Variants in TGFBRAP1 observed in about 807,000 individuals in gnomAD.
TGFBRAP1 encodes transforming growth factor-beta receptor-associated protein 1.
In TGFBRAP1, 20 loss-of-function variants were observed where a neutral mutation model predicts 83.2. That is an observed-to-expected ratio of 0.24 (90% CI 0.17 to 0.35). The LOEUF (loss-of-function observed/expected upper bound fraction) is 0.35. Ranked by LOEUF, TGFBRAP1 falls within the 10% of genes least tolerant of loss-of-function variation. The probability of loss-of-function intolerance (pLI) is 1.00; values close to 1 mark genes in which losing one functional copy is unlikely to be tolerated. For missense variants in TGFBRAP1, 950 were observed against 1,099.4 expected (o/e 0.86, Z 1.92); for synonymous variants, 415 against 459.8 (o/e 0.90, Z 1.25).
intron 4 of TGFBRAP1, among the ~76,000 whole-genome samples, chr2:105,288,766 T>G (rs1677801661): frequency 6.6e-6 from 1 of 152,206 alleles, no homozygotes; most frequent in South Asian, 2.1e-4. Flanking sequence ...ATGAGGACCA[T>G]GGCATTCTCC....
chr2:105,269,362 C>G lies in TGFBRAP1; in HGVS notation c.2316G>C (p.Gly772=). The G allele has an allele frequency of 6.2e-7, 1 of 1,613,988 alleles. No homozygotes were observed. The highest frequency in any genetic ancestry group is 1.1e-5 in the South Asian group (1 of 91,066). Residue 772 remains glycine (G), a synonymous_variant, in exon 11 of 12, where the codon GGG becomes GGC. Coordinates refer to ENST00000393359, the MANE Select transcript of TGFBRAP1 (RefSeq NM_004257.6). This position sits in a 1 kb window ranked among gnomAD's most constrained non-coding sequence, Gnocchi z 4.1. The stretch of plus-strand genomic sequence containing the variant: ...TGGCATGGATGCTGTCCCTCATGGC[C>G]CCCATCAGGAATGGGCAGAGGAGCT... The part of the protein sequence containing the change: ...SVQLLCPFLM[G]AMRDSIHARR...
intron 5 of TGFBRAP1, among the ~76,000 whole-genome samples, chr2:105,283,288 C>T (rs937594056): frequency 3.3e-5 from 5 of 152,094 alleles, no homozygotes; most frequent in East Asian, 1.9e-4. Context: ...TCTCTACAAC[C>T]GATTGTGTAA....
At chr2:105,277,808 C>T in intron 6 of TGFBRAP1, 137 bp from the exon 7 acceptor site, 1 of 846,064 alleles carries the variant, frequency 1.2e-6, no homozygotes, top group Non-Finnish European at 2.0e-6. Context: ...AATCCCAACA[C>T]TTTGGAAGGC....
At position 105,308,051 on chromosome 2, in the gene TGFBRAP1, G is replaced by A. The variant is rs888364337; in HGVS notation, c.251C>T (p.Ala84Val). The change falls in exon 2 of 12, where the codon GCG becomes GTG. Residue 84 changes from alanine to valine, a missense_variant. By Grantham distance (64) the Ala-to-Val change is moderately conservative. Transcript: ENST00000393359. ...CAGCAGCCTGTTGAGTGCTGAGGCC[G>A]CACGCAGCTCGTTCACGGGCTTCTT... ...GFKKPVNELR[A>V]ASALNRLLVL... The A allele has an allele frequency of 3.7e-6, 6 of 1,613,878 alleles. No homozygotes were observed. The highest frequency in any genetic ancestry group is 5.1e-6 in the Non-Finnish European group (6 of 1,179,872).
chr2:105,269,232 T>C lies in TGFBRAP1; in HGVS notation c.2406+40A>G, dbSNP rs779173798. The C allele has an allele frequency of 1.5e-5, 23 of 1,535,632 alleles. No homozygotes were observed. The highest frequency in any genetic ancestry group is 1.9e-5 in the Non-Finnish European group (22 of 1,137,332). On this transcript the variant is annotated intron_variant, in intron 11 of 11. Coordinates refer to ENST00000393359, the MANE Select transcript of TGFBRAP1 (RefSeq NM_004257.6). This position sits in a 1 kb window ranked among gnomAD's most constrained non-coding sequence, Gnocchi z 4.1. ...AGTAAAATCTACCTTCAGTACAATG[T>C]TGACTGACCAGGAAGCAGCTCGTGG...
At chr2:105,280,921 G>A (rs895725011) in intron 5 of TGFBRAP1, among the ~76,000 whole-genome samples, 198 bp from the exon 6 acceptor site, 3 of 152,012 alleles carry the variant, frequency 2.0e-5, no homozygotes, top group African/African-American at 7.2e-5. Context: ...CTGCCACCTG[G>A]CTCCAAAAAA....
rs1678093329 is a variant in TGFBRAP1 at position 105,296,493 on chromosome 2, T to C, written c.901A>G (p.Thr301Ala). The stretch of plus-strand genomic sequence containing the variant: ...ACCAAGATGTAAACTCCTTTACTTG[T>C]GGCAACGATCACTCTTCCTGTGAAG... ...QDFEGRVIVATSKGVYILVPL... is the reference protein window; with the variant it reads ...QDFEGRVIVAASKGVYILVPL... Residue 301 changes from threonine (T) to alanine (A), a missense_variant, in exon 4 of 12, where the codon ACA becomes GCA. Physicochemically the swap from Thr to Ala is moderately conservative, Grantham distance 58 (BLOSUM62 0). Coordinates refer to ENST00000393359, the MANE Select transcript of TGFBRAP1 (RefSeq NM_004257.6). The C allele has an allele frequency of 1.9e-6, 3 of 1,612,180 alleles. No individual in the cohort carries two copies. Among genetic ancestry groups the C allele is most frequent in the Non-Finnish European group, 2.5e-6 (3 of 1,179,546 alleles).
chr2:105,300,428 T>C (rs548298974), intron 2 of TGFBRAP1, among the ~76,000 whole-genome samples: 1 of 146,284 alleles, frequency 6.8e-6, no homozygotes, highest in South Asian at 2.3e-4. Context: ...GATAATGGAG[T>C]AAAATCTTTT....
At chr2:105,299,360 G>A (rs971452195) in intron 2 of TGFBRAP1, among the ~76,000 whole-genome samples, 2 of 152,112 alleles carry the variant, frequency 1.3e-5, no homozygotes, top group Admixed American at 6.6e-5. Flanking sequence ...GACAAAGCAT[G>A]TGTCCTCACG....
intron 1 of TGFBRAP1, chr2:105,324,378 A>C (rs1468660124): frequency 6.6e-6 from 1 of 152,218 alleles, no homozygotes; most frequent in Non-Finnish European, 1.5e-5. Context: ...GAAATAGAAA[A>C]GAAACCTGGG....
intron 1 of TGFBRAP1, among the ~76,000 whole-genome samples, chr2:105,326,440 A>AGG (rs1361664037): frequency 6.6e-6 from 1 of 152,252 alleles, no homozygotes; most frequent in Non-Finnish European, 1.5e-5. Flanking sequence ...AGTACTGGCC[A>AGG]GGAGCAGTGG....
At chr2:105,319,909 T>C (rs1398611920) in intron 1 of TGFBRAP1, among the ~76,000 whole-genome samples, 1 of 151,254 alleles carries the variant, frequency 6.6e-6, no homozygotes, top group Non-Finnish European at 1.5e-5. Flanking sequence ...ATTTGTTATA[T>C]ACATACATAC....
At chr2:105,288,844 A>G (rs1677804722) in intron 4 of TGFBRAP1, among the ~76,000 whole-genome samples, 1 of 152,230 alleles carries the variant, frequency 6.6e-6, no homozygotes, top group Non-Finnish European at 1.5e-5. Context: ...ATGTGTATAT[A>G]TATCCCTTTG....
rs1677280717 is a variant in TGFBRAP1, at chr2:105,274,793, T to C, written c.1665+767A>G. ...TGAGAATATATTCCAACTCAGGTCT[T>C]AGAAAGGCAGATGCAGCACTCAGAA... On this transcript the variant is annotated intron_variant, in intron 8 of 11. Coordinates refer to ENST00000393359, the MANE Select transcript of TGFBRAP1 (RefSeq NM_004257.6). Among the ~76,000 whole-genome samples the C allele has an allele frequency of 2.0e-5, 3 of 152,212 alleles. No individual in the cohort carries two copies. The South Asian group carries it at 6.2e-4, about 32-fold the overall frequency.
In TGFBRAP1 at chr2:105,268,537, A is replaced by C. The variant is rs538012051; in HGVS notation, c.2406+735T>G. On this transcript the variant is annotated intron_variant, in intron 11 of 11. Transcript: ENST00000393359. ...GGTACAGCATTTACAAAAGCAACAA[A>C]GTATGAAATACCAAATCACATCTGG... Among the ~76,000 whole-genome samples, 130 of 152,358 alleles carry C rather than the reference A, an allele frequency of 8.5e-4. 1 individual carries two copies. Among genetic ancestry groups the C allele is most frequent in the Non-Finnish European group, 1.5e-3 (105 of 68,034 alleles).
intron 4 of TGFBRAP1, among the ~76,000 whole-genome samples, chr2:105,285,057 C>G (rs897428262): frequency 6.6e-6 from 1 of 152,228 alleles, no homozygotes; most frequent in African/African-American, 2.4e-5. Flanking sequence ...ACGCCCCACT[C>G]CGTCACCGTC....
chr2:105,276,055 A>C (rs552831741), intron 7 of TGFBRAP1, among the ~76,000 whole-genome samples: 1 of 152,364 alleles, frequency 6.6e-6, no homozygotes, highest in African/African-American at 2.4e-5. Context: ...ATCTCGACAC[A>C]GAGAAGATTC....
intron 2 of TGFBRAP1, among the ~76,000 whole-genome samples, chr2:105,304,145 G>A (rs995056143): frequency 6.6e-6 from 1 of 152,142 alleles, no homozygotes; most frequent in South Asian, 2.1e-4. Context: ...AGGAATTACT[G>A]TCAGGTTTTT....
rs754415480 is a variant in TGFBRAP1, at chr2:105,275,645, T to C, written c.1580A>G (p.Glu527Gly). The C allele has an allele frequency of 6.2e-7, 1 of 1,614,112 alleles. No homozygotes were observed. Among genetic ancestry groups the C allele is most frequent in the East Asian group, 2.2e-5 (1 of 44,886 alleles). Residue 527 changes from glutamate (E) to glycine (G), a missense_variant, in exon 8 of 12, where the codon GAA becomes GGA. Transcript: ENST00000393359. ...GTAGGTAAGAAAATCCACGATGTAT[T>C]CATACAGGTCTGAGCGTGTGGAGTC... ...VQDSTRSDLY[E>G]YIVDFLTYCL...
Sources: allele counts gnomAD v4.1 joint callset (sites outside exome capture counted in the v4.1 genomes callset), GRCh38; gene constraint gnomAD v4.1.1; non-coding constraint Gnocchi (gnomAD v3.1); transcripts MANE v1.5; gene names NCBI Gene and HGNC (gene_info 2026-07-23, HGNC 2026-07-21).